ZNF704: variants seen among roughly 807,000 people sequenced by gnomAD.
The protein encoded by ZNF704 is glucocorticoid induced gene 1.
A neutral mutation model predicts 44.7 loss-of-function variants in ZNF704; 10 were observed. The observed-to-expected ratio is 0.22, with a 90% CI of 0.14 to 0.38. The LOEUF (loss-of-function observed/expected upper bound fraction) is 0.38, where lower values mean the gene tolerates loss of function less well. Ranked by LOEUF, ZNF704 falls within the 10% of genes least tolerant of loss-of-function variation. ZNF704 has a pLI of 1.00. For synonymous variants in ZNF704, 211 were observed against 207.6 expected, an observed-to-expected ratio of 1.02 and a Z score of -0.14; for missense variants, 390 against 545.5, an observed-to-expected ratio of 0.71 and a Z score of 2.84.
intron 1 of ZNF704, among the ~76,000 whole-genome samples, chr8:80,862,021 G>C (rs190454164): frequency 0.064 from 892 of 13,878 alleles, 43 homozygotes; most frequent in Admixed American, 0.28. Context: ...TTTTTTTTTT[G>C]AGATAGAGTT....
chr8:80,856,895 G>C (rs1037836838), intron 1 of ZNF704, among the ~76,000 whole-genome samples: 2 of 152,088 alleles, frequency 1.3e-5, no homozygotes, highest in African/African-American at 2.4e-5. Context: ...TAAAAATCTT[G>C]CTGAGATTTT....
chr8:80,810,242 A>C (rs1299880680), intron 2 of ZNF704, among the ~76,000 whole-genome samples: 1 of 152,240 alleles, frequency 6.6e-6, no homozygotes, highest in Non-Finnish European at 1.5e-5. Context: ...TAAAAATCAA[A>C]TTCTAAAAGT....
chr8:80,850,162 T>C (rs1332237122), intron 1 of ZNF704, among the ~76,000 whole-genome samples: 1 of 152,204 alleles, frequency 6.6e-6, no homozygotes, highest in Non-Finnish European at 1.5e-5. Context: ...TTATGGTTCA[T>C]TTTAAAAATT....
In ZNF704 at chr8:80,664,854, G is replaced by A. The variant is rs760284455; in HGVS notation, c.888C>T (p.Pro296=). 3.6e-5 allele frequency: 58 copies of A among 1,614,094 alleles called. No homozygotes were observed. Among genetic ancestry groups the A allele is most frequent in the Admixed American group, 5.0e-5 (3 of 60,016 alleles). The part of the protein sequence containing the change: ...KLMTPLSRSA[P]TTLYLVHTDH... ...CAGTGTGCACGAGGTAGAGGGTGGT[G>A]GGAGCTGAGCGGCTCAACGGCGTCA... The change falls in exon 6 of 9, where the codon CCC becomes CCT. Residue 296 remains proline (P), a synonymous_variant. Coordinates refer to ENST00000327835, the MANE Select transcript of ZNF704 (RefSeq NM_001033723.3).
intron 1 of ZNF704, among the ~76,000 whole-genome samples, chr8:80,837,554 G>A (rs756058943): frequency 1.3e-5 from 2 of 151,700 alleles, no homozygotes; most frequent in East Asian, 1.9e-4. Context: ...GCAGACCATC[G>A]AGCTGCCTGG....
chr8:80,838,423 T>C (rs1282211950), intron 1 of ZNF704, among the ~76,000 whole-genome samples: 1 of 152,190 alleles, frequency 6.6e-6, no homozygotes, highest in Non-Finnish European at 1.5e-5. Context: ...TTCAGGAATC[T>C]GATCTGAGAG....
chr8:80,718,808 C>A (rs1417006267), intron 2 of ZNF704, among the ~76,000 whole-genome samples: 2 of 152,190 alleles, frequency 1.3e-5, no homozygotes, highest in East Asian at 1.9e-4. Context: ...ACAGCTGATA[C>A]AATTTTTGTA....
chr8:80,853,169 C>T (rs1808899274), intron 1 of ZNF704, among the ~76,000 whole-genome samples: 1 of 152,140 alleles, frequency 6.6e-6, no homozygotes, highest in Non-Finnish European at 1.5e-5. Context: ...AGTTCGATAC[C>T]AGCCTAGGCA....
intron 2 of ZNF704, among the ~76,000 whole-genome samples, chr8:80,699,886 G>T (rs1818782915): frequency 6.6e-6 from 1 of 152,082 alleles, no homozygotes. Context: ...ACCCTTGCAT[G>T]ACCTCACCCT....
intron 5 of ZNF704, among the ~76,000 whole-genome samples, chr8:80,665,479 T>C (rs1563511204): frequency 1.6e-5 from 2 of 124,886 alleles, no homozygotes; most frequent in East Asian, 5.2e-4. Context: ...ATAATGTGTA[T>C]ACATGGACAC....
rs1818561931 is a variant in ZNF704, at chr8:80,687,580, A to G, written c.326-122T>C. The stretch of plus-strand genomic sequence containing the variant: ...ACCCCAGCCCTCTCAATCATCTGCA[A>G]CAGCTGGGTATGTAAGTTTTTGTTC... On this transcript the variant is annotated intron_variant, in intron 3 of 8. Coordinates refer to ENST00000327835, the MANE Select transcript of ZNF704 (RefSeq NM_001033723.3). 8 of 670,614 alleles carry G rather than the reference A, an allele frequency of 1.2e-5. No homozygotes were observed. In the South Asian group the frequency reaches 1.5e-4, roughly 12 times the overall value. 41.5% of individuals were successfully genotyped at this position (670,614 alleles called of 1,614,324 possible).
At chr8:80,844,829 TTTTA>T (rs60668049) in intron 1 of ZNF704, among the ~76,000 whole-genome samples, 8,572 of 148,880 alleles carry the variant, frequency 0.058, 268 homozygotes, top group Middle Eastern at 0.14. Flanking sequence ...TTTCTTCTCT[TTTTA>T]TTTATTTATT....
At chr8:80,710,383 T>G (rs1818966284) in intron 2 of ZNF704, among the ~76,000 whole-genome samples, 1 of 152,168 alleles carries the variant, frequency 6.6e-6, no homozygotes, top group Non-Finnish European at 1.5e-5. Flanking sequence ...CTCTCTTCAT[T>G]TTTTTAGGGA....
intron 2 of ZNF704, among the ~76,000 whole-genome samples, chr8:80,789,471 G>T (rs1421539162): frequency 6.6e-6 from 1 of 152,198 alleles, no homozygotes; most frequent in Non-Finnish European, 1.5e-5. Flanking sequence ...AATAGGCTGG[G>T]TGTGGTGGCT....
At chr8:80,660,299 C>T (rs1054213345) in intron 6 of ZNF704, among the ~76,000 whole-genome samples, 2 of 151,856 alleles carry the variant, frequency 1.3e-5, no homozygotes, top group African/African-American at 4.8e-5. Context: ...AGTGAGACTT[C>T]GTCTCTACTA....
At chr8:80,875,408 G>A (rs915987103), upstream of ZNF704, among the ~76,000 whole-genome samples, 4 of 152,094 alleles carry the variant, frequency 2.6e-5, no homozygotes, top group African/African-American at 9.7e-5. Context: ...GGGTTCAAGC[G>A]ATTCTCCTGC....
intron 2 of ZNF704, among the ~76,000 whole-genome samples, chr8:80,774,497 G>A (rs76948190): frequency 0.06 from 9,169 of 152,196 alleles, 317 homozygotes; most frequent in Middle Eastern, 0.13. Flanking sequence ...TGACAGCTGA[G>A]GTGTGCAGCA....
In ZNF704 at chr8:80,639,207, A is replaced by C. The variant is rs928411737; in HGVS notation, c.*2159T>G. 6.6e-6 allele frequency: 1 copy of C among 152,222 alleles called. No individual in the cohort carries two copies. Among genetic ancestry groups the C allele is most frequent in the South Asian group, 2.1e-4 (1 of 4,830 alleles). 9.4% of individuals were successfully genotyped at this position (152,222 alleles called of 1,614,324 possible). On this transcript the variant is annotated 3_prime_UTR_variant, in exon 9 of 9. Coordinates refer to ENST00000327835, the MANE Select transcript of ZNF704 (RefSeq NM_001033723.3). ...TGAAGAGAAAAACCTCTGGTCCAGG[A>C]CTGTACCCTGTCATTTAAACACATG...
chr8:80,701,975 T>C (rs1469064277), intron 2 of ZNF704, among the ~76,000 whole-genome samples: 1 of 152,154 alleles, frequency 6.6e-6, no homozygotes, highest in Admixed American at 6.5e-5. Flanking sequence ...TGTTTTCCTG[T>C]TTGTTCTTCA....
Sources: gnomAD v4.1 joint callset for allele counts (sites outside exome capture counted in the v4.1 genomes callset) on GRCh38, gnomAD v4.1.1 for gene constraint, MANE v1.5 for transcripts, NCBI Gene and HGNC (gene_info 2026-07-23, HGNC 2026-07-21) for gene names.